The following ARHGAP24 variants were observed in gnomAD, a reference collection of about 807,000 sequenced individuals.
ARHGAP24 encodes rho GTPase-activating protein 24.
A neutral mutation model predicts 76.4 loss-of-function variants in ARHGAP24; 50 were observed. That is an observed-to-expected ratio of 0.65 (90% CI 0.52 to 0.83). ARHGAP24 has a LOEUF of 0.83. Among genes scored for constraint, ARHGAP24 ranks in the 40% least tolerant of loss-of-function variants. ARHGAP24 has a pLI of 0.00. For synonymous variants in ARHGAP24, 345 were observed against 323.3 expected (o/e 1.07, Z -0.72); for missense variants, 930 against 914.2 (o/e 1.02, Z -0.22).
intron 1 of ARHGAP24, among the ~76,000 whole-genome samples, chr4:85,521,430 A>ACCTT (rs1414118936): frequency 6.6e-6 from 1 of 152,100 alleles, no homozygotes; most frequent in Non-Finnish European, 1.5e-5. Flanking sequence ...ATTACATCAT[A>ACCTT]CCTTCTATCC....
At chr4:85,924,203 C>A (rs1175234740) in intron 4 of ARHGAP24, among the ~76,000 whole-genome samples, 3 of 152,102 alleles carry the variant, frequency 2.0e-5, no homozygotes, top group Non-Finnish European at 4.4e-5. Flanking sequence ...TGATAATAAT[C>A]TGATGATTAT....
intron 3 of ARHGAP24, among the ~76,000 whole-genome samples, chr4:85,841,382 C>T (rs537426386): frequency 2.0e-5 from 3 of 152,292 alleles, no homozygotes; most frequent in Non-Finnish European, 4.4e-5. Flanking sequence ...ATTGTAGTTC[C>T]AACTCCATTC....
chr4:85,662,556 C>A (rs1350690205), intron 2 of ARHGAP24, among the ~76,000 whole-genome samples: 1 of 151,470 alleles, frequency 6.6e-6, no homozygotes, highest in Non-Finnish European at 1.5e-5. Flanking sequence ...CTTTTTTTGC[C>A]ATTGCTTTTG....
rs192999365 is a variant in ARHGAP24 at position 85,726,268 on chromosome 4, G to A, written c.268+4296G>A. Among the ~76,000 whole-genome samples, 246 of 152,172 alleles carry A rather than the reference G, an allele frequency of 1.6e-3. 1 individual carries two copies. The highest frequency in any genetic ancestry group is 9.6e-4 in the Non-Finnish European group (65 of 68,020). Reference sequence around the variant, plus strand: ...GGGTGGACCTTAGCTGCAGTTCCTGGATAATGGGGATAAAACGTTTTATTT... The same window carrying A: ...GGGTGGACCTTAGCTGCAGTTCCTGAATAATGGGGATAAAACGTTTTATTT... On this transcript the variant is annotated intron_variant, in intron 3 of 9. Coordinates refer to ENST00000395184, the MANE Select transcript of ARHGAP24 (RefSeq NM_001025616.3).
At chr4:85,863,974 T>C (rs1276576249) in intron 3 of ARHGAP24, among the ~76,000 whole-genome samples, 2 of 152,066 alleles carry the variant, frequency 1.3e-5, no homozygotes, top group Non-Finnish European at 2.9e-5. Flanking sequence ...GACTCATAGA[T>C]TGGTTCAATC....
At chr4:85,860,886 C>T (rs532870898) in intron 3 of ARHGAP24, among the ~76,000 whole-genome samples, 38 of 151,996 alleles carry the variant, frequency 2.5e-4, no homozygotes, top group African/African-American at 8.4e-4. Context: ...AAGAGGAATG[C>T]ATTATGTTTA....
chr4:85,716,829 G>A (rs1340810533), intron 2 of ARHGAP24, among the ~76,000 whole-genome samples: 6 of 152,064 alleles, frequency 3.9e-5, no homozygotes, highest in African/African-American at 1.4e-4. Flanking sequence ...TGGAATTTGG[G>A]GAAGCCGGTG....
At chr4:85,513,559 T>A (rs75482357) in intron 1 of ARHGAP24, among the ~76,000 whole-genome samples, 15,237 of 151,426 alleles carry the variant, frequency 0.1, 1,312 homozygotes, top group African/African-American at 0.23. Flanking sequence ...GCCTTTTTTT[T>A]AAAAAAAAAA....
chr4:85,833,373 CTG>C, intron 3 of ARHGAP24, among the ~76,000 whole-genome samples: 1 of 152,092 alleles, frequency 6.6e-6, no homozygotes, highest in African/African-American at 2.4e-5. Flanking sequence ...CTTTAGGTCT[CTG>C]GATTTTTTTT....
At chr4:85,516,774 T>C (rs1724523508) in intron 1 of ARHGAP24, among the ~76,000 whole-genome samples, 2 of 152,150 alleles carry the variant, frequency 1.3e-5, no homozygotes, top group Admixed American at 1.3e-4. Flanking sequence ...CAGAAGTTTC[T>C]GCCTCCCTGC....
intron 2 of ARHGAP24, among the ~76,000 whole-genome samples, chr4:85,574,972 C>T (rs1727312310): frequency 6.6e-6 from 1 of 152,164 alleles, no homozygotes; most frequent in South Asian, 2.1e-4. Flanking sequence ...GCAAAGGTGC[C>T]TCAAGGCTCT....
chr4:85,841,032 T>A (rs1399197246), intron 3 of ARHGAP24, among the ~76,000 whole-genome samples: 2 of 152,160 alleles, frequency 1.3e-5, no homozygotes, highest in African/African-American at 4.8e-5. Flanking sequence ...ATAGAGAAAG[T>A]TATTTTGTTT....
chr4:85,842,330 CCTGCCACTTT>C (rs566088113), intron 3 of ARHGAP24, among the ~76,000 whole-genome samples: 91 of 152,146 alleles, frequency 6.0e-4, no homozygotes, highest in Non-Finnish European at 1.1e-3. Flanking sequence ...CAAATCCTAA[CCTGCCACTTT>C]CTGCCTGGGT....
intron 2 of ARHGAP24, among the ~76,000 whole-genome samples, chr4:85,589,838 A>G (rs1236650207): frequency 1.3e-5 from 2 of 152,214 alleles, no homozygotes; most frequent in Admixed American, 1.3e-4. Flanking sequence ...TTAAAAATAA[A>G]ATATGGATTT....
chr4:85,545,608 T>C (rs964731434), intron 1 of ARHGAP24, among the ~76,000 whole-genome samples: 2 of 152,164 alleles, frequency 1.3e-5, no homozygotes, highest in African/African-American at 4.8e-5. Flanking sequence ...GCTTCCAAGC[T>C]GCTGAAGGGG....
At chr4:85,660,201 C>A (rs1213316458) in intron 2 of ARHGAP24, among the ~76,000 whole-genome samples, 1 of 152,120 alleles carries the variant, frequency 6.6e-6, no homozygotes, top group Non-Finnish European at 1.5e-5. Context: ...AGGAGCCAAT[C>A]AGTAAATACC....
At chr4:85,582,065 TG>T (rs1313394450) in intron 2 of ARHGAP24, among the ~76,000 whole-genome samples, 8 of 152,144 alleles carry the variant, frequency 5.3e-5, no homozygotes. Context: ...ATTCTTTCAA[TG>T]AGCTAATACT....
chr4:85,959,333 A>G (rs1288117816), intron 5 of ARHGAP24, among the ~76,000 whole-genome samples: 2 of 152,112 alleles, frequency 1.3e-5, no homozygotes, highest in Non-Finnish European at 2.9e-5. Flanking sequence ...CCTCTTTACT[A>G]CAACCTGTTT....
At chr4:85,541,310 C>G (rs1453866488) in intron 1 of ARHGAP24, among the ~76,000 whole-genome samples, 1 of 137,640 alleles carries the variant, frequency 7.3e-6, no homozygotes, top group Non-Finnish European at 1.5e-5. Flanking sequence ...CCCGCCACTA[C>G]GCCCGGCTAA....
Sources: gnomAD v4.1 joint callset for allele counts (sites outside exome capture counted in the v4.1 genomes callset) on GRCh38, gnomAD v4.1.1 for gene constraint, MANE v1.5 for transcripts, NCBI Gene and HGNC (gene_info 2026-07-23, HGNC 2026-07-21) for gene names.